The following ANO2 variants were observed in gnomAD, a reference collection of about 807,000 sequenced individuals.
The protein encoded by ANO2 is anoctamin-2.
In ANO2, 101 loss-of-function variants were observed where a neutral mutation model predicts 124.2. That is an observed-to-expected ratio of 0.81 (90% confidence interval 0.69 to 0.96). ANO2 has a LOEUF of 0.96. Among genes scored for constraint, ANO2 ranks in the 40% least tolerant of loss-of-function variants. ANO2 has a pLI of 0.00. For synonymous variants in ANO2, 486 were observed against 482.5 expected, an observed-to-expected ratio of 1.01 and a Z score of -0.09; for missense variants, 1,293 against 1,274.5, an observed-to-expected ratio of 1.01 and a Z score of -0.22.
chr12:5,790,649 A>C (rs1952670545), intron 10 of ANO2, among the ~76,000 whole-genome samples: 1 of 152,174 alleles, frequency 6.6e-6, no homozygotes, highest in South Asian at 2.1e-4. Flanking sequence ...TACCTTGCCC[A>C]GCACTGCCAC....
intron 3 of ANO2, among the ~76,000 whole-genome samples, chr12:5,888,850 T>C (rs1591747537): frequency 6.6e-6 from 1 of 152,220 alleles, no homozygotes; most frequent in African/African-American, 2.4e-5. Context: ...GATCCCACAC[T>C]GGGGCCGCAG....
Position 5,706,848 on chromosome 12 carries a change from T to C in ANO2, c.1545+25672A>G, listed in dbSNP as rs548503409. ...AAGTTATATGTGAATAAATTGGGAG[T>C]CATGGAGGTTAAATAACTTTCCCAA... On this transcript the variant is annotated intron_variant, in intron 14 of 24. Transcript: ENST00000682330. Among the ~76,000 whole-genome samples, 3 of 152,248 alleles carry C rather than the reference T, an allele frequency of 2.0e-5. No homozygotes were observed. The South Asian group carries it at 6.2e-4, about 32-fold the overall frequency.
chr12:5,758,221 A>T (rs1448806385), intron 10 of ANO2, among the ~76,000 whole-genome samples: 1 of 152,224 alleles, frequency 6.6e-6, no homozygotes, highest in East Asian at 1.9e-4. Flanking sequence ...AGATTCTGCA[A>T]AATTACAAAT....
At chr12:5,633,618 G>A (rs574342245) in intron 16 of ANO2, among the ~76,000 whole-genome samples, 30 of 152,008 alleles carry the variant, frequency 2.0e-4, no homozygotes, top group African/African-American at 6.0e-4. Flanking sequence ...GGTCAACTCC[G>A]TCAGCACAGT....
chr12:5,856,586 T>C (rs1173064184), intron 3 of ANO2: 2 of 152,224 alleles, frequency 1.3e-5, no homozygotes, highest in Non-Finnish European at 2.9e-5. Flanking sequence ...ATACAGCAAG[T>C]AGGTGCTTTT....
intron 9 of ANO2, 139 bp from the exon 10 acceptor site, chr12:5,799,710 T>C: frequency 1.3e-6 from 1 of 752,046 alleles, no homozygotes; most frequent in African/African-American, 1.7e-5. Context: ...GGGGGAGATG[T>C]TCAGAATCGG....
chr12:5,857,787 T>C (rs905099394), intron 3 of ANO2, among the ~76,000 whole-genome samples: 3 of 151,616 alleles, frequency 2.0e-5, no homozygotes, highest in African/African-American at 7.3e-5. Flanking sequence ...GATAGATAGA[T>C]AGATAGATAG....
intron 14 of ANO2, among the ~76,000 whole-genome samples, chr12:5,706,245 G>T (rs1949605007): frequency 6.6e-6 from 1 of 152,164 alleles, no homozygotes; most frequent in South Asian, 2.1e-4. Context: ...AAACTCTGAA[G>T]TAGCTGTCCA....
intron 14 of ANO2, among the ~76,000 whole-genome samples, chr12:5,731,673 T>A (rs530467876): frequency 8.6e-5 from 13 of 151,854 alleles, no homozygotes; most frequent in South Asian, 4.2e-4. Flanking sequence ...AGCATCCCCA[T>A]GTCCCCCCAA....
At chr12:5,601,525 A>G (rs919516824) in intron 19 of ANO2, among the ~76,000 whole-genome samples, 1 of 152,186 alleles carries the variant, frequency 6.6e-6, no homozygotes, top group African/African-American at 2.4e-5. Context: ...GTCAGAACAG[A>G]AGGAGAAGAT....
chr12:5,647,624 C>T, intron 15 of ANO2, 103 bp downstream of exon 15: 1 of 985,176 alleles, frequency 1.0e-6, no homozygotes. Flanking sequence ...TCCCCTTTAC[C>T]AGCCTCTCAT....
intron 7 of ANO2, among the ~76,000 whole-genome samples, chr12:5,825,875 G>A (rs1465776008): frequency 6.6e-6 from 1 of 152,172 alleles, no homozygotes; most frequent in Admixed American, 6.5e-5. Flanking sequence ...ACTCCACCAG[G>A]AAGAAAACCA....
intron 10 of ANO2, among the ~76,000 whole-genome samples, chr12:5,760,314 A>T (rs1387069549): frequency 6.6e-6 from 1 of 152,198 alleles, no homozygotes. Flanking sequence ...AGAAAAATGC[A>T]ATCTACCAAG....
intron 14 of ANO2, among the ~76,000 whole-genome samples, chr12:5,674,836 C>T (rs1948163050): frequency 6.6e-6 from 1 of 152,180 alleles, no homozygotes; most frequent in Admixed American, 6.5e-5. Flanking sequence ...ATTATCCTTG[C>T]AAAATGCTTA....
chr12:5,678,183 G>A (rs1948337394), intron 14 of ANO2, among the ~76,000 whole-genome samples: 1 of 152,208 alleles, frequency 6.6e-6, no homozygotes, highest in African/African-American at 2.4e-5. Flanking sequence ...ATTTTTACAT[G>A]TAGGTTCCTG....
At chr12:5,754,569 GT>G (rs1951525027) in intron 10 of ANO2, among the ~76,000 whole-genome samples, 1 of 151,972 alleles carries the variant, frequency 6.6e-6, no homozygotes, top group African/African-American at 2.4e-5. Flanking sequence ...TGAGAGTTTT[GT>G]TTTGTTTCAT....
intron 19 of ANO2, among the ~76,000 whole-genome samples, chr12:5,602,182 G>A (rs187688380): frequency 1.1e-4 from 16 of 151,208 alleles, no homozygotes; most frequent in East Asian, 3.9e-4. Flanking sequence ...ACTATCTCTC[G>A]GAAAAAAAGT....
At chr12:5,936,031 A>G (rs1425829870) in intron 1 of ANO2, among the ~76,000 whole-genome samples, 1 of 152,362 alleles carries the variant, frequency 6.6e-6, no homozygotes, top group Non-Finnish European at 1.5e-5. Flanking sequence ...AGCAATTTGC[A>G]TATCTTCTTT....
chr12:5,836,978 G>T (rs146021233), intron 4 of ANO2, among the ~76,000 whole-genome samples: 344 of 152,332 alleles, frequency 2.3e-3, no homozygotes, highest in African/African-American at 7.5e-3. Context: ...GTTCCCTATT[G>T]TTTTATGAAT....
Sources: gnomAD v4.1 joint callset for allele counts (sites outside exome capture counted in the v4.1 genomes callset) on GRCh38, gnomAD v4.1.1 for gene constraint, MANE v1.5 for transcripts, NCBI Gene and HGNC (gene_info 2026-07-23, HGNC 2026-07-21) for gene names.